CNTLN: variants seen among roughly 807,000 people sequenced by gnomAD.
The protein encoded by CNTLN is centlein.
CNTLN carries 212 observed loss-of-function variants against 180.0 expected under a neutral mutation model. That is an observed-to-expected ratio of 1.18 (90% CI 1.05 to 1.32). CNTLN has a LOEUF of 1.32. Ranked by LOEUF, CNTLN falls within the 40% of genes most tolerant of loss-of-function variation. The pLI is 0.00. For synonymous variants in CNTLN, 722 were observed against 563.1 expected, an observed-to-expected ratio of 1.28 and a Z score of -3.99; for missense variants, 2,095 against 1,610.9, an observed-to-expected ratio of 1.30 and a Z score of -5.14.
chr9:17,258,048 T>G (rs1262890295), intron 5 of CNTLN, among the ~76,000 whole-genome samples: 34 of 150,916 alleles, frequency 2.3e-4, no homozygotes, highest in South Asian at 2.1e-4. Flanking sequence ...ATGAAGTCCT[T>G]GCCCATGCCT....
chr9:17,523,824 A>G, the CNTLN span, among the ~76,000 whole-genome samples: 2 of 152,220 alleles, frequency 1.3e-5, no homozygotes, highest in Admixed American at 1.3e-4. Flanking sequence ...GCTTGGTCCT[A>G]TAACAGAGGA....
chr9:17,160,189 T>C (rs1819583947), intron 2 of CNTLN, among the ~76,000 whole-genome samples: 1 of 152,188 alleles, frequency 6.6e-6, no homozygotes, highest in Non-Finnish European at 1.5e-5. Flanking sequence ...TAAAAAATGA[T>C]ATCCTGAAGT....
At chr9:17,323,259 A>G (rs1207351947) in intron 8 of CNTLN, among the ~76,000 whole-genome samples, 1 of 152,170 alleles carries the variant, frequency 6.6e-6, no homozygotes, top group Non-Finnish European at 1.5e-5. Context: ...TTGCAACCCA[A>G]AGGTAGTCAT....
chr9:17,444,505 A>C (rs1275807764), intron 18 of CNTLN, among the ~76,000 whole-genome samples: 1 of 152,212 alleles, frequency 6.6e-6, no homozygotes, highest in Non-Finnish European at 1.5e-5. Flanking sequence ...CACCCACTTC[A>C]GTTGCCAATC....
intron 5 of CNTLN, among the ~76,000 whole-genome samples, chr9:17,264,058 T>G (rs1407253238): frequency 6.9e-6 from 1 of 145,400 alleles, no homozygotes; most frequent in Non-Finnish European, 1.5e-5. Context: ...TTAGATCCCA[T>G]TTGTCAATTT....
chr9:17,437,210 T>G (rs1298007424), intron 18 of CNTLN, among the ~76,000 whole-genome samples: 1 of 152,220 alleles, frequency 6.6e-6, no homozygotes, highest in Non-Finnish European at 1.5e-5. Context: ...TGTCTTCTAT[T>G]CTAGATGAAG....
At chr9:17,350,587 A>G (rs574878122) in intron 12 of CNTLN, among the ~76,000 whole-genome samples, 9 of 152,286 alleles carry the variant, frequency 5.9e-5, no homozygotes, top group Admixed American at 2.0e-4. Context: ...ACAAAACGCC[A>G]TAGGCTGGGT....
chr9:17,458,113 T>C (rs528409138), intron 19 of CNTLN, among the ~76,000 whole-genome samples: 1 of 152,064 alleles, frequency 6.6e-6, no homozygotes, highest in South Asian at 2.1e-4. Flanking sequence ...CAACCCACTT[T>C]TGCTCTCTGC....
intron 13 of CNTLN, among the ~76,000 whole-genome samples, chr9:17,374,448 A>T (rs1824586041): frequency 6.6e-6 from 1 of 152,230 alleles, no homozygotes; most frequent in African/African-American, 2.4e-5. Context: ...GCTCTTATCC[A>T]CAAGACAGGC....
At chr9:17,148,941 G>A (rs769472901) in intron 2 of CNTLN, among the ~76,000 whole-genome samples, 3 of 152,178 alleles carry the variant, frequency 2.0e-5, no homozygotes, top group East Asian at 1.9e-4. Context: ...CCTACATTAC[G>A]TATTTCTCCT....
intron 13 of CNTLN, among the ~76,000 whole-genome samples, chr9:17,375,575 A>G (rs983663471): frequency 5.9e-5 from 9 of 152,130 alleles, no homozygotes; most frequent in African/African-American, 2.2e-4. Flanking sequence ...CATTTTTATT[A>G]TTCATTGATA....
At chr9:17,494,008 G>A (rs900904362) in intron 25 of CNTLN, among the ~76,000 whole-genome samples, 2 of 152,122 alleles carry the variant, frequency 1.3e-5, no homozygotes, top group Admixed American at 1.3e-4. Context: ...TCAACTATAA[G>A]ATAGAAAGAA....
At position 17,502,611 on chromosome 9, in the gene CNTLN, C is replaced by A; in HGVS notation, c.4180C>A (p.Leu1394Ile). The change falls in exon 26 of 26, where the codon CTA becomes ATA. Residue 1394 changes from leucine (L) to isoleucine (I), a missense_variant. Transcript: ENST00000380647. ...VLEKINEKKK[L>I]VEGYFTIMKD... ...GGAAAAAATAAATGAAAAAAAGAAA[C>A]TAGTTGAAGGATATTTCACAATTAT... 7.2e-7 allele frequency: 1 copy of A among 1,397,166 alleles called. No homozygotes were observed. The highest frequency in any genetic ancestry group is 9.8e-7 in the Non-Finnish European group (1 of 1,020,458). The allele number at this position is 1,397,166 out of a possible 1,614,324, so 86.5% of individuals were successfully genotyped here.
intron 23 of CNTLN, among the ~76,000 whole-genome samples, chr9:17,471,472 G>C (rs1373524969): frequency 1.3e-5 from 2 of 152,028 alleles, no homozygotes; most frequent in Non-Finnish European, 2.9e-5. Flanking sequence ...TTCATATTTT[G>C]ACAATATCCT....
At chr9:17,336,738 G>A (rs924144552) in intron 10 of CNTLN, among the ~76,000 whole-genome samples, 18 of 152,006 alleles carry the variant, frequency 1.2e-4, no homozygotes, top group African/African-American at 4.4e-4. Flanking sequence ...TTAAGTTCTG[G>A]GATACATGTG....
chr9:17,310,166 C>T (rs1819027035), intron 8 of CNTLN, among the ~76,000 whole-genome samples: 3 of 152,202 alleles, frequency 2.0e-5, no homozygotes, highest in South Asian at 2.1e-4. Context: ...TATCCAAAGA[C>T]TAGATCATTA....
At chr9:17,275,962 T>C (rs1381433080) in intron 6 of CNTLN, among the ~76,000 whole-genome samples, 1 of 152,022 alleles carries the variant, frequency 6.6e-6, no homozygotes, top group Non-Finnish European at 1.5e-5. Flanking sequence ...GTAGGAGCAG[T>C]AGACACTGTG....
chr9:17,477,999 G>T (rs1268152781), intron 23 of CNTLN, among the ~76,000 whole-genome samples: 2 of 152,174 alleles, frequency 1.3e-5, no homozygotes, highest in Admixed American at 6.5e-5. Context: ...GCCACAGCCA[G>T]CCCAGCTGTC....
the CNTLN span, among the ~76,000 whole-genome samples, chr9:17,510,232 G>C: frequency 2.6e-5 from 4 of 151,858 alleles, no homozygotes; most frequent in African/African-American, 4.8e-5. Context: ...AAGGGAATAG[G>C]GAATAAGTAG....
Sources: gnomAD v4.1 joint callset for allele counts (sites outside exome capture counted in the v4.1 genomes callset) on GRCh38, gnomAD v4.1.1 for gene constraint, MANE v1.5 for transcripts, NCBI Gene and HGNC (gene_info 2026-07-23, HGNC 2026-07-21) for gene names.